ST18: variants seen among roughly 807,000 people sequenced by gnomAD.
The protein encoded by ST18 is ST18 C2H2C-type zinc finger transcription factor.
A neutral mutation model predicts 110.0 loss-of-function variants in ST18; 50 were observed. The observed-to-expected ratio is 0.45, with a 90% CI of 0.36 to 0.58. ST18 has a LOEUF of 0.58. ST18 is among the 20% of genes least tolerant of loss of function. The probability of loss-of-function intolerance (pLI) is 0.00; values close to 1 mark genes in which losing one functional copy is unlikely to be tolerated. For synonymous variants in ST18, 461 were observed against 452.4 expected (o/e 1.02, Z -0.24); for missense variants, 1,306 against 1,280.1 (o/e 1.02, Z -0.31).
intron 2 of ST18, among the ~76,000 whole-genome samples, chr8:52,377,234 T>G (rs1564614294): frequency 6.6e-6 from 1 of 152,214 alleles, no homozygotes; most frequent in Non-Finnish European, 1.5e-5. Context: ...CCATACCCAT[T>G]CAAGTAAGAT....
chr8:52,137,712 C>T, intron 17 of ST18: 1 of 472,352 alleles, frequency 2.1e-6, no homozygotes, highest in Non-Finnish European at 3.7e-6. Context: ...GTACCTGTTT[C>T]AACATCACAT....
intron 9 of ST18, among the ~76,000 whole-genome samples, chr8:52,177,121 A>G (rs971907531): frequency 3.3e-5 from 5 of 152,106 alleles, no homozygotes; most frequent in African/African-American, 1.2e-4. Flanking sequence ...TTCCTTCCGG[A>G]GACTTTCATT....
intron 2 of ST18, among the ~76,000 whole-genome samples, chr8:52,284,821 CA>C (rs555775859): frequency 2.0e-4 from 30 of 152,160 alleles, no homozygotes; most frequent in African/African-American, 6.3e-4. Context: ...CGCCACCCCC[CA>C]AAAAAATCAA....
At chr8:52,124,397 A>C (rs2046183350) in intron 23 of ST18, among the ~76,000 whole-genome samples, 1 of 151,746 alleles carries the variant, frequency 6.6e-6, no homozygotes, top group East Asian at 1.9e-4. Context: ...TATGGTCTTG[A>C]TCTCCTGATC....
chr8:52,309,074 A>G (rs1334869092), intron 2 of ST18, among the ~76,000 whole-genome samples: 1 of 152,220 alleles, frequency 6.6e-6, no homozygotes, highest in Non-Finnish European at 1.5e-5. Flanking sequence ...AATAATAAAG[A>G]TTGAAATAGA....
At chr8:52,203,266 G>T (rs1015804537) in intron 8 of ST18, among the ~76,000 whole-genome samples, 3 of 152,204 alleles carry the variant, frequency 2.0e-5, no homozygotes, top group Non-Finnish European at 4.4e-5. Context: ...AGCAAGGCTT[G>T]ATCTTTGAAC....
chr8:52,283,717 CT>C (rs2095424280), intron 2 of ST18, among the ~76,000 whole-genome samples: 1 of 152,032 alleles, frequency 6.6e-6, no homozygotes, highest in Non-Finnish European at 1.5e-5. Flanking sequence ...GAGCAGTGGC[CT>C]TTGAGAGGAG....
chr8:52,149,209 A>C (rs2058168401), intron 16 of ST18, among the ~76,000 whole-genome samples: 1 of 152,258 alleles, frequency 6.6e-6, no homozygotes. Context: ...GGTCTCCTTG[A>C]CTTCAAGATT....
At chr8:52,264,483 G>A (rs2094805159) in intron 2 of ST18, among the ~76,000 whole-genome samples, 1 of 152,160 alleles carries the variant, frequency 6.6e-6, no homozygotes, top group Non-Finnish European at 1.5e-5. Context: ...TAGCAGGAGA[G>A]AATGAAGCTC....
At chr8:52,119,815 T>C (rs1012870308) in intron 23 of ST18, among the ~76,000 whole-genome samples, 7 of 152,184 alleles carry the variant, frequency 4.6e-5, no homozygotes, top group African/African-American at 1.7e-4. Context: ...TGTGGGTACT[T>C]ACTGCTTTAT....
chr8:52,219,607 ATC>A (rs1440513505), intron 5 of ST18, among the ~76,000 whole-genome samples: 1 of 152,056 alleles, frequency 6.6e-6, no homozygotes, highest in East Asian at 1.9e-4. Context: ...GTCTCCCCTA[ATC>A]CCTCCTACAC....
At chr8:52,246,291 A>G (rs2093842073) in intron 2 of ST18, among the ~76,000 whole-genome samples, 1 of 152,056 alleles carries the variant, frequency 6.6e-6, no homozygotes, top group Non-Finnish European at 1.5e-5. Flanking sequence ...TAAAAGAAAC[A>G]ATCTAAGCCA....
chr8:52,130,147 GAAAGAAAGAAAGAAAGAAAA>G (rs1563564124), intron 22 of ST18, among the ~76,000 whole-genome samples: 8 of 150,554 alleles, frequency 5.3e-5, no homozygotes, highest in African/African-American at 2.0e-4. Flanking sequence ...AAGAAAGAAA[GAAAGAAAGAAAGAAAGAAAA>G]AGAAAAGAAA....
chr8:52,253,171 G>C (rs2094397890), intron 2 of ST18, among the ~76,000 whole-genome samples: 1 of 151,826 alleles, frequency 6.6e-6, no homozygotes, highest in Admixed American at 6.6e-5. Flanking sequence ...TACTTCGACT[G>C]CTGACTGCCT....
At position 52,331,172 on chromosome 8, in the gene ST18, G is replaced by A. The variant is rs10093140; in HGVS notation, c.-465+78156C>T. 6.9e-3 allele frequency among the ~76,000 whole-genome samples: 1,047 copies of A among 152,152 alleles called. 11 individuals are homozygous for A. Among genetic ancestry groups the A allele is most frequent in the African/African-American group, 0.024 (980 of 41,494 alleles). Reference sequence around the variant, plus strand: ...AAGCCATCTAAGGAGCCACACCTTCGACTGGAAGGGGTAGTTTCAATTAGC... The same window carrying A: ...AAGCCATCTAAGGAGCCACACCTTCAACTGGAAGGGGTAGTTTCAATTAGC... On this transcript the variant is annotated intron_variant, in intron 2 of 25. Coordinates refer to ENST00000689386, the MANE Select transcript of ST18 (RefSeq NM_001352837.2).
At chr8:52,168,527 G>A (rs980609562) in intron 10 of ST18, among the ~76,000 whole-genome samples, 37 of 152,054 alleles carry the variant, frequency 2.4e-4, no homozygotes, top group African/African-American at 8.7e-4. Flanking sequence ...CAATTATATG[G>A]GGGCATGGAT....
intron 15 of ST18, among the ~76,000 whole-genome samples, chr8:52,156,231 C>G (rs920675625): frequency 2.0e-5 from 3 of 152,162 alleles, no homozygotes; most frequent in Non-Finnish European, 2.9e-5. Context: ...AACCTGTGGC[C>G]GGGGCAGTCC....
intron 10 of ST18, among the ~76,000 whole-genome samples, chr8:52,170,447 AAAATCAATAAAT>A (rs1388205874): frequency 0.023 from 3,167 of 140,054 alleles, 136 homozygotes; most frequent in African/African-American, 0.081. Context: ...GCAAAACTCA[AAAATCAATAAAT>A]AAATAAATAA....
At chr8:52,187,781 A>C (rs2072932696) in intron 8 of ST18, among the ~76,000 whole-genome samples, 1 of 152,170 alleles carries the variant, frequency 6.6e-6, no homozygotes, top group South Asian at 2.1e-4. Context: ...CCGTATGTAC[A>C]TTTGGCCTAA....
Sources: allele counts gnomAD v4.1 joint callset (sites outside exome capture counted in the v4.1 genomes callset), GRCh38; gene constraint gnomAD v4.1.1; transcripts MANE v1.5; gene names NCBI Gene and HGNC (gene_info 2026-07-23, HGNC 2026-07-21).